Variants in ZNF454 observed in about 807,000 individuals in gnomAD.
ZNF454 encodes zinc finger protein 454.
Under a neutral mutation model 48.2 loss-of-function variants are expected in ZNF454, and 30 were observed. The ratio of observed to expected loss-of-function variants is 0.62; its 90% confidence interval spans 0.47 to 0.84. The LOEUF (loss-of-function observed/expected upper bound fraction) is 0.84. Ranked by LOEUF, ZNF454 falls within the 40% of genes least tolerant of loss-of-function variation. The pLI is 0.00. For missense variants in ZNF454, 510 were observed against 623.1 expected (o/e 0.82, Z 1.93); for synonymous variants, 204 against 211.4 (o/e 0.97, Z 0.30).
chr5:178,989,211 A>AGGCCCCCCCCC, the ZNF454 span: 1 of 121,740 alleles, frequency 8.2e-6, no homozygotes, highest in Non-Finnish European at 1.3e-5. Context: ...CCCCCTCCCC[A>AGGCCCCCCCCC]CCCTCACCAC....
intron 4 of ZNF454, among the ~76,000 whole-genome samples, chr5:178,961,641 C>A (rs1760016526): frequency 6.6e-6 from 1 of 151,350 alleles, no homozygotes; most frequent in Admixed American, 6.7e-5. Context: ...CACGGTGAAA[C>A]CCTGTCTCTA....
At chr5:178,951,151 C>G (rs1437353269) in intron 4 of ZNF454, among the ~76,000 whole-genome samples, 6 of 152,182 alleles carry the variant, frequency 3.9e-5, no homozygotes. Flanking sequence ...AGCCACTGCA[C>G]CCGGCCTTAA....
intron 2 of ZNF454, among the ~76,000 whole-genome samples, chr5:178,943,951 C>G (rs1164389756): frequency 6.6e-6 from 1 of 152,130 alleles, no homozygotes; most frequent in Non-Finnish European, 1.5e-5. Context: ...GGCGTGAACC[C>G]AGGAGGCGGA....
In ZNF454 at chr5:178,965,781, G is replaced by A. The variant is rs1760130167; in HGVS notation, c.1377G>A (p.Lys459=). ...FSDHSALTQH[K]RIHTREKPYK... Reference sequence around the variant, plus strand: ...ACCATTCAGCCCTTACCCAACATAAGAGAATTCATACTAGGGAAAAACCTT... The same window carrying A: ...ACCATTCAGCCCTTACCCAACATAAAAGAATTCATACTAGGGAAAAACCTT... Residue 459 remains lysine (K), a synonymous_variant, in exon 5 of 5, where the codon AAG becomes AAA. Transcript: ENST00000519564. The surrounding 1 kb of genome is among the most constrained non-coding windows in gnomAD (Gnocchi z 5.2). 1.2e-6 allele frequency: 2 copies of A among 1,614,120 alleles called. No individual in the cohort carries two copies. Among genetic ancestry groups the A allele is most frequent in the Middle Eastern group, 1.6e-4 (1 of 6,062 alleles).
the ZNF454 span, chr5:178,988,871 C>T: frequency 7.2e-7 from 1 of 1,393,164 alleles, no homozygotes; most frequent in Non-Finnish European, 1.0e-6. This position sits in a 1 kb window ranked among gnomAD's most constrained non-coding sequence, Gnocchi z 6.0. Flanking sequence ...TGTCCCAGGC[C>T]TCACAGCAAA....
Position 178,945,027 on chromosome 5 carries a change from CAT to C in ZNF454, c.34-1331_34-1330del, listed in dbSNP as rs1491225059. ...GTGTATGCACATGTGCACACGTGTG[CAT>C]GTGTGTGTGTGTGTTGAGGGTGTGT... On this transcript the variant is annotated intron_variant, in intron 2 of 4. Transcript: ENST00000519564. Among the ~76,000 whole-genome samples the C allele has an allele frequency of 4.6e-5, 6 of 129,862 alleles. No homozygotes were observed. The East Asian group carries it at 7.3e-4, about 16-fold the overall frequency. The allele number at this position is 129,862 out of a possible 152,430, so 85.2% of individuals were successfully genotyped here.
intron 4 of ZNF454, among the ~76,000 whole-genome samples, chr5:178,959,357 C>A (rs1308996606): frequency 6.6e-6 from 1 of 151,676 alleles, no homozygotes; most frequent in African/African-American, 2.4e-5. Flanking sequence ...GGACTCTATT[C>A]TCTTTCATTC....
the ZNF454 span, chr5:178,987,286 A>G: frequency 3.6e-6 from 2 of 551,294 alleles, no homozygotes; most frequent in African/African-American, 1.9e-5. Context: ...GATTAAACAC[A>G]TGACCCAGCA....
chr5:178,986,662 A>T, the ZNF454 span: 1 of 1,602,838 alleles, frequency 6.2e-7, no homozygotes, highest in Non-Finnish European at 8.5e-7. Flanking sequence ...GACGCCCTTC[A>T]CCATCTTCTT....
At chr5:178,959,754 C>T (rs1759922763) in intron 4 of ZNF454, among the ~76,000 whole-genome samples, 1 of 151,832 alleles carries the variant, frequency 6.6e-6, no homozygotes, top group African/African-American at 2.4e-5. Context: ...TACAGGCGCC[C>T]ACCACCACGC....
chr5:178,985,660 G>C, the ZNF454 span: 5 of 388,666 alleles, frequency 1.3e-5, no homozygotes, highest in Admixed American at 6.7e-5. Flanking sequence ...CTGAGATAGT[G>C]CCACTGCACT....
At chr5:178,977,878 C>G in the ZNF454 span, among the ~76,000 whole-genome samples, 1 of 152,226 alleles carries the variant, frequency 6.6e-6, no homozygotes, top group Admixed American at 6.5e-5. Flanking sequence ...AGCCACTGCA[C>G]TCAGCCAGAT....
Position 178,965,496 on chromosome 5 carries a change from C to T in ZNF454, c.1092C>T (p.Ala364=), listed in dbSNP as rs1760118672. The T allele has an allele frequency of 6.2e-7, 1 of 1,613,812 alleles. No individual in the cohort carries two copies. The highest frequency in any genetic ancestry group is 8.5e-7 in the Non-Finnish European group (1 of 1,179,926). The change falls in exon 5 of 5, where the codon GCC becomes GCT. Residue 364 remains alanine (A), a synonymous_variant. Coordinates refer to ENST00000519564, the MANE Select transcript of ZNF454 (RefSeq NM_001178089.3). The surrounding 1 kb of genome is among the most constrained non-coding windows in gnomAD (Gnocchi z 5.2). ...KPFECNECGK[A]FRVNSSLTEH... is the part of the protein sequence containing the mutation. ...TTGAATGTAATGAATGTGGGAAGGC[C>T]TTCAGGGTGAACTCTTCCCTTACTG...
At chr5:178,967,742 C>CTTTTT (rs10694687), downstream of ZNF454, among the ~76,000 whole-genome samples, 2 of 129,512 alleles carry the variant, frequency 1.5e-5, no homozygotes, top group African/African-American at 5.8e-5. Flanking sequence ...TTTTCTTTTT[C>CTTTTT]TTTTTTTTTT....
At chr5:178,964,630 C>T (rs191645237) in intron 4 of ZNF454, 25 bp from the exon 5 acceptor site, 31 of 1,575,176 alleles carry the variant, frequency 2.0e-5, no homozygotes, top group Middle Eastern at 1.9e-4. Context: ...GTAAAACAGA[C>T]ATTTTTATTT....
the ZNF454 span, chr5:178,983,093 G>C: frequency 3.1e-6 from 5 of 1,614,192 alleles, no homozygotes; most frequent in Admixed American, 8.3e-5. Flanking sequence ...GGCAGCCGAT[G>C]AGAGACAGAT....
chr5:178,975,575 T>A, the ZNF454 span: 1 of 270,808 alleles, frequency 3.7e-6, no homozygotes, highest in African/African-American at 2.2e-5. Flanking sequence ...CTTTTGTTCA[T>A]CAGACCATCT....
chr5:178,986,585 C>T, the ZNF454 span: 2 of 1,606,454 alleles, frequency 1.2e-6, no homozygotes, highest in Non-Finnish European at 8.5e-7. Flanking sequence ...CCAGGACAGG[C>T]CTCGCATGTG....
chr5:178,972,214 G>A, the ZNF454 span, among the ~76,000 whole-genome samples: 1 of 152,142 alleles, frequency 6.6e-6, no homozygotes, highest in Non-Finnish European at 1.5e-5. Flanking sequence ...GATTACAGGT[G>A]TGAGCCACCG....
Sources: gnomAD v4.1 joint callset for allele counts (sites outside exome capture counted in the v4.1 genomes callset) on GRCh38, gnomAD v4.1.1 for gene constraint, Gnocchi (gnomAD v3.1) non-coding constraint, MANE v1.5 for transcripts, NCBI Gene and HGNC (gene_info 2026-07-23, HGNC 2026-07-21) for gene names.